Variants in AFF3 observed in about 807,000 individuals in gnomAD.
AFF3 encodes the protein AF4/FMR2 family member 3.
Under a neutral mutation model 129.7 loss-of-function variants are expected in AFF3, and 32 were observed. That is an observed-to-expected ratio of 0.25 (90% CI 0.19 to 0.33). AFF3 has a LOEUF of 0.33. AFF3 is among the 10% of genes least tolerant of loss of function. The probability of loss-of-function intolerance (pLI) is 1.00; values close to 1 mark genes in which losing one functional copy is unlikely to be tolerated. For synonymous variants in AFF3, 644 were observed against 635.4 expected (o/e 1.01, Z -0.20); for missense variants, 1,373 against 1,592.0 (o/e 0.86, Z 2.34).
chr2:99,626,074 C>T (rs1335291407), intron 13 of AFF3, among the ~76,000 whole-genome samples: 1 of 152,136 alleles, frequency 6.6e-6, no homozygotes, highest in African/African-American at 2.4e-5. Context: ...AGCTGAGTGC[C>T]ACCCATCGGA....
rs747496387 is a variant in AFF3, at chr2:99,548,493, T to C, written c.*2981A>G. 11 of 197,434 alleles carry C rather than the reference T, an allele frequency of 5.6e-5. No individual in the cohort carries two copies. The highest frequency in any genetic ancestry group is 1.2e-4 in the Non-Finnish European group (11 of 95,302). 12.2% of individuals were successfully genotyped at this position (197,434 alleles called of 1,614,324 possible). A position where few individuals can be genotyped will look rare whatever the true frequency, so the allele number is the denominator to read the frequency against. ...GGCCAGGCATGGTGGCTCATGCACT[T>C]TGGGAGGCCGAGGCCAAAGGATCGC... On this transcript the variant is annotated 3_prime_UTR_variant, in exon 25 of 25. Transcript: ENST00000672756.
intron 10 of AFF3, among the ~76,000 whole-genome samples, chr2:99,739,949 C>G (rs1399870233): frequency 1.4e-5 from 2 of 145,202 alleles, no homozygotes; most frequent in Non-Finnish European, 3.0e-5. Flanking sequence ...TCTCCTAAAG[C>G]TATCCCTCCC....
At chr2:99,655,177 T>G (rs999710467) in intron 12 of AFF3, among the ~76,000 whole-genome samples, 3 of 151,046 alleles carry the variant, frequency 2.0e-5, no homozygotes, top group African/African-American at 7.3e-5. Flanking sequence ...TGCAATATTG[T>G]GCTTAGTGTC....
intron 4 of AFF3, among the ~76,000 whole-genome samples, chr2:100,102,790 AG>A (rs1320470452): frequency 2.6e-5 from 3 of 116,550 alleles, no homozygotes; most frequent in African/African-American, 1.0e-4. Context: ...GCATTTTAAA[AG>A]TACAGTTGCT....
intron 11 of AFF3, among the ~76,000 whole-genome samples, chr2:99,675,630 C>T (rs781463169): frequency 5.9e-5 from 9 of 152,182 alleles, no homozygotes; most frequent in Non-Finnish European, 1.0e-4. Context: ...TCCAAGTGGC[C>T]TCTTAGAGAG....
intron 13 of AFF3, among the ~76,000 whole-genome samples, chr2:99,603,227 C>T (rs1278124880): frequency 2.0e-5 from 3 of 151,952 alleles, no homozygotes; most frequent in African/African-American, 7.3e-5. Flanking sequence ...TCTTTCCTTC[C>T]TTATGAACAA....
intron 8 of AFF3, among the ~76,000 whole-genome samples, chr2:99,805,369 TATG>T (rs376094781): frequency 3.9e-5 from 6 of 152,240 alleles, no homozygotes; most frequent in Non-Finnish European, 8.8e-5. Context: ...TTGGTGGTAT[TATG>T]ATAATAATTC....
At chr2:99,860,311 T>C (rs936860564) in intron 7 of AFF3, among the ~76,000 whole-genome samples, 1 of 152,030 alleles carries the variant, frequency 6.6e-6, no homozygotes, top group Non-Finnish European at 1.5e-5. Context: ...CCCAGCACTC[T>C]GGGAGGCCGA....
intron 7 of AFF3, among the ~76,000 whole-genome samples, chr2:99,863,131 T>C (rs932163042): frequency 4.6e-5 from 7 of 152,248 alleles, no homozygotes; most frequent in African/African-American, 9.6e-5. Flanking sequence ...CTTATGGCCA[T>C]TGATTTTTGC....
intron 11 of AFF3, among the ~76,000 whole-genome samples, chr2:99,713,268 ATTTT>A (rs3073380): frequency 1.2e-4 from 15 of 126,282 alleles, no homozygotes; most frequent in African/African-American, 2.7e-4. Context: ...GCCAGAGTTA[ATTTT>A]TTTTTTTTTT....
intron 7 of AFF3, among the ~76,000 whole-genome samples, chr2:99,910,554 C>T (rs1695037008): frequency 1.3e-5 from 2 of 152,230 alleles, no homozygotes; most frequent in African/African-American, 4.8e-5. Context: ...ATCTTGCCTT[C>T]TGCATCACTG....
At chr2:99,808,603 A>C (rs1289217285) in intron 8 of AFF3, among the ~76,000 whole-genome samples, 1 of 152,202 alleles carries the variant, frequency 6.6e-6, no homozygotes, top group Non-Finnish European at 1.5e-5. Context: ...ACACTCAGGA[A>C]AGACTGCAGA....
rs150144728 is a variant in AFF3, at chr2:99,659,010, T to C, written c.1144-9344A>G. Among the ~76,000 whole-genome samples the C allele has an allele frequency of 1.0e-3, 152 of 152,362 alleles. 1 individual carries two copies. The highest frequency in any genetic ancestry group is 3.5e-3 in the African/African-American group (144 of 41,584). ...CTAACTTCTCTTCTCAAGAGGGTTA[T>C]ATCCTTATTGTTGATCTTGGCCCTT... On this transcript the variant is annotated intron_variant, in intron 12 of 24. Coordinates refer to ENST00000672756, the MANE Select transcript of AFF3 (RefSeq NM_001386135.1).
chr2:99,647,149 G>A (rs1279139708), intron 13 of AFF3, among the ~76,000 whole-genome samples: 2 of 152,092 alleles, frequency 1.3e-5, no homozygotes, highest in Admixed American at 1.3e-4. Context: ...CCCATTAATG[G>A]GTATATACCC....
At chr2:99,724,285 T>TTTTTTTTTTTTTTTTTTTTG in intron 11 of AFF3, among the ~76,000 whole-genome samples, 1 of 137,206 alleles carries the variant, frequency 7.3e-6, no homozygotes, top group Non-Finnish European at 1.6e-5. Flanking sequence ...TTTTTTTTTT[T>TTTTTTTTTTTTTTTTTTTTG]TTTTTGAGAC....
intron 24 of AFF3, among the ~76,000 whole-genome samples, chr2:99,553,091 C>T (rs1004569171): frequency 6.6e-6 from 1 of 152,164 alleles, no homozygotes; most frequent in East Asian, 1.9e-4. Context: ...CGAGCACCAC[C>T]ACACCCGGCT....
At chr2:99,700,529 G>A (rs1026185250) in intron 11 of AFF3, among the ~76,000 whole-genome samples, 4 of 152,192 alleles carry the variant, frequency 2.6e-5, no homozygotes, top group Admixed American at 6.5e-5. Flanking sequence ...AGATAAAAAT[G>A]GCAGGAAGAT....
chr2:100,044,413 A>T (rs1245504253), intron 4 of AFF3, among the ~76,000 whole-genome samples: 5 of 152,254 alleles, frequency 3.3e-5, no homozygotes. Flanking sequence ...TATTCAGAAT[A>T]GCTCCGTTTC....
At chr2:99,730,966 T>C (rs1386383621) in intron 10 of AFF3, among the ~76,000 whole-genome samples, 1 of 152,084 alleles carries the variant, frequency 6.6e-6, no homozygotes, top group Admixed American at 6.6e-5. Flanking sequence ...GTGTTTTTCT[T>C]TGCTTGAGAT....
Sources: gnomAD v4.1 joint callset for allele counts (sites outside exome capture counted in the v4.1 genomes callset) on GRCh38, gnomAD v4.1.1 for gene constraint, MANE v1.5 for transcripts, NCBI Gene and HGNC (gene_info 2026-07-23, HGNC 2026-07-21) for gene names.